The following FKBP1A variants were observed in gnomAD, a reference collection of about 807,000 sequenced individuals.
FKBP1A encodes the protein FKBP prolyl isomerase 1A, also known as peptidyl-prolyl cis-trans isomerase FKBP1A.
Under a neutral mutation model 14.2 loss-of-function variants are expected in FKBP1A, and 5 were observed. The observed-to-expected ratio is 0.35, with a 90% confidence interval of 0.18 to 0.74. FKBP1A has a LOEUF of 0.74. Ranked by LOEUF, FKBP1A falls within the 30% of genes least tolerant of loss-of-function variation. FKBP1A has a pLI of 0.56. For missense variants in FKBP1A, 53 were observed against 138.8 expected (o/e 0.38, Z 3.10); for synonymous variants, 42 against 49.1 (o/e 0.86, Z 0.60).
At chr20:1,380,783 AT>A (rs1289956757) in intron 2 of FKBP1A, among the ~76,000 whole-genome samples, 1 of 152,098 alleles carries the variant, frequency 6.6e-6, no homozygotes, top group Admixed American at 6.5e-5. Context: ...AGACTTATCA[AT>A]CAATTGAAAG....
At chr20:1,371,646 A>C (rs2089466041) in intron 4 of FKBP1A, 3 of 882,954 alleles carry the variant, frequency 3.4e-6, no homozygotes, top group Non-Finnish European at 4.1e-6. Flanking sequence ...AGAAGCTAGG[A>C]CATGATATTC....
intron 3 of FKBP1A, among the ~76,000 whole-genome samples, chr20:1,374,031 G>A (rs577360471): frequency 6.6e-6 from 1 of 152,360 alleles, no homozygotes; most frequent in East Asian, 1.9e-4. Context: ...ATATTTTATA[G>A]AGGAAGTAGA....
intron 3 of FKBP1A, among the ~76,000 whole-genome samples, chr20:1,373,616 A>T (rs986895535): frequency 6.6e-6 from 1 of 152,164 alleles, no homozygotes; most frequent in Non-Finnish European, 1.5e-5. Flanking sequence ...ACCCCAAAAT[A>T]CCAGTTAAAG....
intron 2 of FKBP1A, among the ~76,000 whole-genome samples, chr20:1,385,123 C>T (rs2089655746): frequency 6.6e-6 from 1 of 152,208 alleles, no homozygotes; most frequent in Non-Finnish European, 1.5e-5. Flanking sequence ...GGTGCAGTGG[C>T]TCACGCCTGT....
chr20:1,383,635 T>A (rs372903302), intron 2 of FKBP1A, among the ~76,000 whole-genome samples: 1 of 145,476 alleles, frequency 6.9e-6, no homozygotes, highest in South Asian at 2.1e-4. Context: ...GCAACCAGCC[T>A]GGGCAACACA....
At chr20:1,387,213 T>C (rs1314719929) in intron 2 of FKBP1A, among the ~76,000 whole-genome samples, 1 of 151,900 alleles carries the variant, frequency 6.6e-6, no homozygotes, top group Non-Finnish European at 1.5e-5. Context: ...TCAATAAAGC[T>C]GTTACCAAGA....
chr20:1,390,755 G>A (rs553718416), intron 2 of FKBP1A, among the ~76,000 whole-genome samples: 1 of 152,138 alleles, frequency 6.6e-6, no homozygotes, highest in South Asian at 2.1e-4. Context: ...AAAGACCCAC[G>A]GGAACAAAGC....
At chr20:1,371,719 T>A (rs1343702275) in intron 4 of FKBP1A, 1 of 1,000,742 alleles carries the variant, frequency 1.0e-6, no homozygotes, top group Non-Finnish European at 1.2e-6. Context: ...AACAAAGTCA[T>A]TCATTAAGAG....
chr20:1,382,645 G>C (rs1466700305), intron 2 of FKBP1A, among the ~76,000 whole-genome samples: 1 of 152,150 alleles, frequency 6.6e-6, no homozygotes, highest in Non-Finnish European at 1.5e-5. Context: ...TTCATATTTA[G>C]ACCTTCTTCC....
intron 2 of FKBP1A, among the ~76,000 whole-genome samples, chr20:1,388,029 A>G (rs1489021012): frequency 6.6e-6 from 1 of 152,234 alleles, no homozygotes; most frequent in East Asian, 1.9e-4. Flanking sequence ...CTGATGAGCA[A>G]GAGACCATCT....
rs141736367 is a variant in FKBP1A, at chr20:1,375,682, C to T, written c.86-79G>A. ...CAGAAACCAGCAGCAGAGCACTCAT[C>T]AGAGATGCCAGTGCTGAAGAGTCTG... On this transcript the variant is annotated intron_variant, in intron 2 of 4. Coordinates refer to ENST00000400137, the MANE Select transcript of FKBP1A (RefSeq NM_000801.5). 1.1e-4 allele frequency: 104 copies of T among 988,360 alleles called. No individual in the cohort carries two copies. In the African/African-American group the frequency reaches 1.4e-3, roughly 13 times the overall value. The allele number at this position is 988,360 out of a possible 1,614,324, so 61.2% of individuals were successfully genotyped here. A position where few individuals can be genotyped will look rare whatever the true frequency, so the allele number is the denominator to read the frequency against.
intron 3 of FKBP1A, 118 bp downstream of exon 3, chr20:1,375,373 T>G: frequency 1.5e-6 from 1 of 684,318 alleles, no homozygotes. Context: ...TCAGATGGGA[T>G]GGCATGAGGG....
At position 1,386,698 on chromosome 20, in the gene FKBP1A, G is replaced by GA; in HGVS notation, c.85+6135dup. Among the ~76,000 whole-genome samples, 1 of 152,374 alleles carries GA rather than the reference G, an allele frequency of 6.6e-6. No individual in the cohort carries two copies. Among genetic ancestry groups the GA allele is most frequent in the African/African-American group, 2.4e-5 (1 of 41,588 alleles). On this transcript the variant is annotated intron_variant, in intron 2 of 4. Coordinates refer to ENST00000400137, the MANE Select transcript of FKBP1A (RefSeq NM_000801.5). The surrounding 1 kb of genome is among the most constrained non-coding windows in gnomAD (Gnocchi z 4.7). Reference sequence around the variant, plus strand: ...CAAAGGGGCAGAGACCTCCATGTGGGAAAAGGCTTGGAGCATTCGAGGAAT... The same window carrying GA: ...CAAAGGGGCAGAGACCTCCATGTGGGAAAAAGGCTTGGAGCATTCGAGGAAT...
chr20:1,387,665 G>C (rs766682665), intron 2 of FKBP1A, among the ~76,000 whole-genome samples: 1 of 152,020 alleles, frequency 6.6e-6, no homozygotes, highest in Non-Finnish European at 1.5e-5. Flanking sequence ...GGGAAACCTG[G>C]CGAAACCCGT....
chr20:1,369,963 C>CACATTCAGTCAGGGCAGATGTCT lies in FKBP1A; in HGVS notation c.*123_*145dup. ...TCGGAAGCAAAGCTGAGTGACAGAACACATTCAGTCAGGGCAGATGTCTAT... is the reference window on the plus strand; with the variant it reads ...TCGGAAGCAAAGCTGAGTGACAGAACACATTCAGTCAGGGCAGATGTCTACATTCAGTCAGGGCAGATGTCTAT... On this transcript the variant is annotated 3_prime_UTR_variant, in exon 5 of 5. Transcript: ENST00000400137. The CACATTCAGTCAGGGCAGATGTCT allele has an allele frequency of 2.0e-6, 3 of 1,482,464 alleles. No homozygotes were observed. In the South Asian group the frequency reaches 3.8e-5, roughly 19 times the overall value. 91.8% of individuals were successfully genotyped at this position (1,482,464 alleles called of 1,614,324 possible). A position where few individuals can be genotyped will look rare whatever the true frequency, so the allele number is the denominator to read the frequency against.
intron 2 of FKBP1A, among the ~76,000 whole-genome samples, chr20:1,378,962 T>C (rs2089587022): frequency 6.6e-6 from 1 of 152,192 alleles, no homozygotes; most frequent in Non-Finnish European, 1.5e-5. Flanking sequence ...ATAAACAAAA[T>C]TTACATGTAA....
intron 4 of FKBP1A, 111 bp downstream of exon 4, chr20:1,371,965 G>T (rs2089471054): frequency 1.4e-6 from 2 of 1,471,646 alleles, no homozygotes; most frequent in Admixed American, 5.4e-5. Context: ...GAATGCAGGG[G>T]GAAAAATAGC....
intron 2 of FKBP1A, among the ~76,000 whole-genome samples, chr20:1,390,450 C>A (rs1227620723): frequency 1.3e-5 from 2 of 152,132 alleles, no homozygotes; most frequent in Non-Finnish European, 2.9e-5. Context: ...CAGGAGACTA[C>A]TGAGGCAGTC....
At chr20:1,383,703 A>AG (rs1568590554) in intron 2 of FKBP1A, among the ~76,000 whole-genome samples, 5 of 127,450 alleles carry the variant, frequency 3.9e-5, no homozygotes, top group African/African-American at 1.5e-4. Flanking sequence ...AAAAAAAAAA[A>AG]TTTAGCCAGA....
Sources: allele counts gnomAD v4.1 joint callset (sites outside exome capture counted in the v4.1 genomes callset), GRCh38; gene constraint gnomAD v4.1.1; non-coding constraint Gnocchi (gnomAD v3.1); transcripts MANE v1.5; gene names NCBI Gene and HGNC (gene_info 2026-07-23, HGNC 2026-07-21).